The following ZNF789 variants were observed in gnomAD, a reference collection of about 807,000 sequenced individuals.
The protein encoded by ZNF789 is zinc finger protein 789.
A neutral mutation model predicts 15.6 loss-of-function variants in ZNF789; 11 were observed. The observed-to-expected ratio is 0.70, with a 90% CI of 0.44 to 1.16. The LOEUF is 1.16. Ranked by LOEUF, ZNF789 falls within the 50% of genes most tolerant of loss-of-function variation. The pLI, the probability that ZNF789 is intolerant of heterozygous loss-of-function variation, is 0.00. For synonymous variants in ZNF789, 159 were observed against 176.0 expected (o/e 0.90, Z 0.76); for missense variants, 461 against 512.6 (o/e 0.90, Z 0.97).
At chr7:99,482,046 A>G (rs1799661888) in intron 3 of ZNF789, 1 of 698,436 alleles carries the variant, frequency 1.4e-6, no homozygotes, top group Non-Finnish European at 2.6e-6. Flanking sequence ...ATACTCATAA[A>G]TATATAATAA....
Position 99,484,114 on chromosome 7 carries a change from A to T in ZNF789, c.236A>T (p.Asn79Ile). ...ATCCTGGATCTACCGAGAACTGGGAATAGGAAGGCTTCCGGTAGTGCTTGC... is the reference window on the plus strand; with the variant it reads ...ATCCTGGATCTACCGAGAACTGGGATTAGGAAGGCTTCCGGTAGTGCTTGC... The part of the protein sequence containing the change: ...QWILDLPRTG[N>I]RKASGSACPG... The change falls in exon 4 of 5, where the codon AAT becomes ATT. Residue 79 changes from asparagine to isoleucine, a missense_variant. Transcript: ENST00000331410. The T allele has an allele frequency of 6.2e-7, 1 of 1,613,960 alleles. No homozygotes were observed. The highest frequency in any genetic ancestry group is 8.5e-7 in the Non-Finnish European group (1 of 1,179,958).
chr7:99,474,174 TC>T (rs1299655861), intron 1 of ZNF789, among the ~76,000 whole-genome samples: 2 of 152,174 alleles, frequency 1.3e-5, no homozygotes, highest in Non-Finnish European at 2.9e-5. Flanking sequence ...TGCAGGGGTG[TC>T]CAATCTCTTG....
intron 3 of ZNF789, chr7:99,481,669 C>G (rs977852111): frequency 1.2e-5 from 2 of 161,560 alleles, no homozygotes; most frequent in Non-Finnish European, 2.7e-5. Context: ...GTTGGTCAGG[C>G]TGGTCTCAAA....
intron 4 of ZNF789, among the ~76,000 whole-genome samples, chr7:99,484,397 C>T (rs923076260): frequency 1.2e-4 from 19 of 152,072 alleles, no homozygotes; most frequent in African/African-American, 4.3e-4. Flanking sequence ...CCAAGTTGGG[C>T]GGATCACCTG....
In ZNF789 at chr7:99,484,032, T is replaced by G. The variant is rs1346422824; in HGVS notation, c.154T>G (p.Phe52Val). ...CCCATTTACTTCCCCATGAGTAGGATTTCAGTTTCCCAAACCTGAGATGAT... is the reference window on the plus strand; with the variant it reads ...CCCATTTACTTCCCCATGAGTAGGAGTTCAGTTTCCCAAACCTGAGATGAT... Reference protein sequence around the residue: ...ENYRNMVLLGFQFPKPEMICQ... With the variant: ...ENYRNMVLLGVQFPKPEMICQ... Residue 52 changes from phenylalanine to valine, a missense_variant and splice_region_variant, in exon 4 of 5, where the codon TTT becomes GTT. Physicochemically the swap from Phe to Val is conservative, Grantham distance 50 (BLOSUM62 -1). Transcript: ENST00000331410. 2 of 1,614,020 alleles carry G rather than the reference T, an allele frequency of 1.2e-6. No individual in the cohort carries two copies. Among genetic ancestry groups the G allele is most frequent in the Non-Finnish European group, 1.7e-6 (2 of 1,179,964 alleles).
At chr7:99,475,303 G>A (rs1274298395) in intron 1 of ZNF789, among the ~76,000 whole-genome samples, 1 of 152,038 alleles carries the variant, frequency 6.6e-6, no homozygotes, top group East Asian at 1.9e-4. Context: ...GCTGAGGCAG[G>A]AGAATCGCTT....
intron 3 of ZNF789, chr7:99,480,930 A>T (rs1404437236): frequency 6.6e-6 from 1 of 152,178 alleles, no homozygotes; most frequent in Non-Finnish European, 1.5e-5. Context: ...GGATTTTTAT[A>T]ATTTTAATTT....
intron 4 of ZNF789, among the ~76,000 whole-genome samples, chr7:99,486,007 T>G (rs1458423012): frequency 6.6e-6 from 1 of 152,066 alleles, no homozygotes; most frequent in Admixed American, 6.6e-5. Flanking sequence ...GTTATGAAAG[T>G]GAAGAGTCCA....
rs1338678593 is a variant in ZNF789 at position 99,486,936 on chromosome 7, A to G, written c.726A>G (p.Ser242=). 1 of 1,614,104 alleles carries G rather than the reference A, an allele frequency of 6.2e-7. No individual in the cohort carries two copies. Among genetic ancestry groups the G allele is most frequent in the Non-Finnish European group, 8.5e-7 (1 of 1,180,056 alleles). ...GTGGGCAAGCCTTCAGACAGCGGTC[A>G]GCTCTTACGGTCCATAAACAGTGTC... ...KVCGQAFRQR[S]ALTVHKQCHL... is the part of the protein sequence containing the mutation. The change falls in exon 5 of 5, where the codon TCA becomes TCG. Residue 242 remains serine (S), a synonymous_variant. Coordinates refer to ENST00000331410, the MANE Select transcript of ZNF789 (RefSeq NM_213603.3).
chr7:99,474,974 G>A (rs534167247), intron 1 of ZNF789, among the ~76,000 whole-genome samples: 6 of 149,790 alleles, frequency 4.0e-5, no homozygotes, highest in African/African-American at 1.3e-4. Flanking sequence ...GATAGAGGGA[G>A]ACTCCTCAAA....
intron 3 of ZNF789, 69 bp from the exon 4 acceptor site, chr7:99,483,961 C>T: frequency 8.2e-7 from 1 of 1,220,978 alleles, no homozygotes; most frequent in Non-Finnish European, 1.2e-6. Flanking sequence ...TCTCTGCTTG[C>T]CACTGAGCCC....
At chr7:99,486,070 C>A (rs1171521023) in intron 4 of ZNF789, among the ~76,000 whole-genome samples, 1 of 152,174 alleles carries the variant, frequency 6.6e-6, no homozygotes, top group Non-Finnish European at 1.5e-5. Context: ...GTAATCCCAG[C>A]ACTTTGGGAG....
intron 4 of ZNF789, among the ~76,000 whole-genome samples, chr7:99,485,926 G>C (rs1799915844): frequency 6.6e-6 from 1 of 152,200 alleles, no homozygotes; most frequent in African/African-American, 2.4e-5. Context: ...GATGGGCTCT[G>C]CTCTCACATT....
At position 99,487,020 on chromosome 7, in the gene ZNF789, G is replaced by GT. The variant is rs768769187; in HGVS notation, c.811dup (p.Tyr271LeufsTer4). ...GTGGAAAGTGTTTTCGGCAGCTCGCGTATCTTGTTGAACATAAGAGGATTC... is the reference window on the plus strand; with the variant it reads ...GTGGAAAGTGTTTTCGGCAGCTCGCGTTATCTTGTTGAACATAAGAGGATTC... On this transcript the variant is annotated frameshift_variant, in exon 5 of 5. Coordinates refer to ENST00000331410, the MANE Select transcript of ZNF789 (RefSeq NM_213603.3). LOFTEE classifies it low-confidence loss of function (END_TRUNC). 2 of 1,613,942 alleles carry GT rather than the reference G, an allele frequency of 1.2e-6. No individual in the cohort carries two copies. Among genetic ancestry groups the GT allele is most frequent in the East Asian group, 2.2e-5 (1 of 44,884 alleles).
Position 99,486,744 on chromosome 7 carries a change from T to G in ZNF789, c.534T>G (p.Asp178Glu). The part of the protein sequence containing the change: ...TRWKQGRYDE[D>E]GKPFNQRSLL... ...GGAAGCAGGGCAGATATGATGAGGA[T>G]GGCAAACCCTTCAATCAAAGATCTT... The change falls in exon 5 of 5, where the codon GAT (aspartate) becomes GAG (glutamate). Residue 178 changes from aspartate to glutamate, a missense_variant. Asp to Glu is a conservative substitution (Grantham distance 45, BLOSUM62 2). Coordinates refer to ENST00000331410, the MANE Select transcript of ZNF789 (RefSeq NM_213603.3). 1 of 1,614,214 alleles carries G rather than the reference T, an allele frequency of 6.2e-7. No individual in the cohort carries two copies. Among genetic ancestry groups the G allele is most frequent in the African/African-American group, 1.3e-5 (1 of 75,052 alleles).
chr7:99,486,797 C>A lies in ZNF789; in HGVS notation c.587C>A (p.Thr196Lys). 2 of 1,614,208 alleles carry A rather than the reference C, an allele frequency of 1.2e-6. No homozygotes were observed. The highest frequency in any genetic ancestry group is 4.5e-5 in the East Asian group (2 of 44,892). Residue 196 changes from threonine to lysine, a missense_variant, in exon 5 of 5, where the codon ACA becomes AAA. Coordinates refer to ENST00000331410, the MANE Select transcript of ZNF789 (RefSeq NM_213603.3). ...SLLLGHERIL[T>K]RAKSYECSEC... ...CTTTTGGGGCATGAGCGAATTCTCACAAGAGCAAAGTCTTATGAATGCAGT... is the reference window on the plus strand; with the variant it reads ...CTTTTGGGGCATGAGCGAATTCTCAAAAGAGCAAAGTCTTATGAATGCAGT...
intron 3 of ZNF789, among the ~76,000 whole-genome samples, chr7:99,483,387 T>C (rs1799747587): frequency 6.6e-6 from 1 of 152,118 alleles, no homozygotes; most frequent in South Asian, 2.1e-4. Context: ...CCCAGCACTT[T>C]GGGAGGCCAA....
chr7:99,482,384 C>T, intron 3 of ZNF789: 1 of 633,200 alleles, frequency 1.6e-6, no homozygotes, highest in Non-Finnish European at 2.9e-6. Context: ...GTGTTGTGCA[C>T]CTGCGTTTTG....
At chr7:99,473,747 A>T (rs1045499879) in intron 1 of ZNF789, among the ~76,000 whole-genome samples, 1 of 152,178 alleles carries the variant, frequency 6.6e-6, no homozygotes, top group Non-Finnish European at 1.5e-5. Flanking sequence ...CAGCCTCTCG[A>T]GTAGCGGGGA....
Sources: gnomAD v4.1 joint callset for allele counts (sites outside exome capture counted in the v4.1 genomes callset) on GRCh38, gnomAD v4.1.1 for gene constraint, MANE v1.5 for transcripts, NCBI Gene and HGNC (gene_info 2026-07-23, HGNC 2026-07-21) for gene names.